The following PPP4R4 variants were observed in gnomAD, a reference collection of about 807,000 sequenced individuals.
PPP4R4 encodes protein phosphatase 4 regulatory subunit 4, also known as serine/threonine-protein phosphatase 4 regulatory subunit 4.
Under a neutral mutation model 121.8 loss-of-function variants are expected in PPP4R4, and 70 were observed. The observed-to-expected ratio is 0.57, with a 90% CI of 0.47 to 0.70. The LOEUF is 0.70. Ranked by LOEUF, PPP4R4 falls within the 30% of genes least tolerant of loss-of-function variation. PPP4R4 has a pLI of 0.00. For synonymous variants in PPP4R4, 348 were observed against 355.7 expected, an observed-to-expected ratio of 0.98 and a Z score of 0.24; for missense variants, 875 against 1,033.6, an observed-to-expected ratio of 0.85 and a Z score of 2.10.
Position 94,184,058 on chromosome 14 carries a change from C to T in PPP4R4, c.191+7931C>T, listed in dbSNP as rs117037467. Among the ~76,000 whole-genome samples the T allele has an allele frequency of 4.1e-4, 63 of 152,204 alleles. No individual in the cohort carries two copies. In the East Asian group the frequency reaches 5.2e-3, roughly 13 times the overall value. On this transcript the variant is annotated intron_variant, in intron 2 of 24. Coordinates refer to ENST00000304338, the MANE Select transcript of PPP4R4 (RefSeq NM_058237.2). ...TTCATGAGCAATTAATTCATCCCAA[C>T]GCTCCCTCTTGAGAAGTAGCTAAGT...
intron 2 of PPP4R4, among the ~76,000 whole-genome samples, chr14:94,204,267 AG>A (rs1440692449): frequency 6.6e-6 from 1 of 151,398 alleles, no homozygotes; most frequent in Non-Finnish European, 1.5e-5. Context: ...AGGTCATGTC[AG>A]TTTTTTTTTG....
At chr14:94,227,285 G>C in intron 3 of PPP4R4, 1 of 1,606,326 alleles carries the variant, frequency 6.2e-7, no homozygotes, top group Non-Finnish European at 8.5e-7. Flanking sequence ...TGTCTTCCAA[G>C]GTCCATGAGG....
intron 2 of PPP4R4, among the ~76,000 whole-genome samples, chr14:94,187,673 A>G (rs1889363916): frequency 6.6e-6 from 1 of 151,166 alleles, no homozygotes; most frequent in Non-Finnish European, 1.5e-5. Flanking sequence ...AGGAAACTGC[A>G]TTGTATTTAG....
rs201616705 is a variant in PPP4R4 at position 94,174,502 on chromosome 14, A to G, written c.37A>G (p.Ser13Gly). ...PPPPAAAMDF[S>G]QNSLFGYMED... ...GCCGCCCGCCGCCGCGATGGATTTC[A>G]GTCAGAACAGCCTGTTCGGTTACAT... Residue 13 changes from serine to glycine, a missense_variant, in exon 1 of 25, where the codon AGT becomes GGT. Transcript: ENST00000304338. 28 of 1,610,882 alleles carry G rather than the reference A, an allele frequency of 1.7e-5. No homozygotes were observed. The highest frequency in any genetic ancestry group is 1.5e-4 in the Admixed American group (9 of 59,896).
intron 3 of PPP4R4, among the ~76,000 whole-genome samples, chr14:94,222,914 A>C (rs901394577): frequency 6.6e-6 from 1 of 151,592 alleles, no homozygotes; most frequent in Non-Finnish European, 1.5e-5. Context: ...CATGTCCTTT[A>C]TCTTCTTTTC....
At chr14:94,182,295 G>A (rs1889037114) in intron 2 of PPP4R4, among the ~76,000 whole-genome samples, 1 of 152,152 alleles carries the variant, frequency 6.6e-6, no homozygotes, top group African/African-American at 2.4e-5. Context: ...TTGAATGTAT[G>A]CAGAAATGTG....
chr14:94,255,770 A>G (rs2139612815), intron 16 of PPP4R4, among the ~76,000 whole-genome samples: 1 of 152,312 alleles, frequency 6.6e-6, no homozygotes, highest in South Asian at 2.1e-4. Context: ...AACACAGTAG[A>G]CAGATGATGC....
At chr14:94,218,171 C>T (rs192451284) in intron 3 of PPP4R4, among the ~76,000 whole-genome samples, 70 of 152,190 alleles carry the variant, frequency 4.6e-4, no homozygotes, top group Middle Eastern at 3.4e-3. Context: ...CATCCAATGG[C>T]TTTGAGACAG....
At chr14:94,223,828 A>G (rs8011557) in intron 3 of PPP4R4, among the ~76,000 whole-genome samples, 84,143 of 151,272 alleles carry the variant, frequency 0.56, 25,971 homozygotes, top group East Asian at 0.82. Flanking sequence ...TAACCCCAAC[A>G]TTTCTATTTA....
rs1319214231 is a variant in PPP4R4, at chr14:94,234,544, T to C, written c.624-18T>C. The C allele has an allele frequency of 6.8e-7, 1 of 1,472,402 alleles. No homozygotes were observed. The highest frequency in any genetic ancestry group is 9.5e-7 in the Non-Finnish European group (1 of 1,056,668). The allele number at this position is 1,472,402 out of a possible 1,614,324, so 91.2% of individuals were successfully genotyped here. A position where few individuals can be genotyped will look rare whatever the true frequency, so the allele number is the denominator to read the frequency against. On this transcript the variant is annotated intron_variant, in intron 6 of 24. Transcript: ENST00000304338. ...AAACACTCATTCATTTGCATGTTTC[T>C]TTTCTCCCCACCTTCAGCATTAAGC...
chr14:94,222,371 T>A (rs1312627751), intron 3 of PPP4R4, among the ~76,000 whole-genome samples: 2 of 151,912 alleles, frequency 1.3e-5, no homozygotes, highest in African/African-American at 4.8e-5. Context: ...ATTATCAAAG[T>A]CGAATTTCAT....
chr14:94,247,669 T>TA (rs1284910810), intron 14 of PPP4R4, among the ~76,000 whole-genome samples: 12 of 152,174 alleles, frequency 7.9e-5, no homozygotes, highest in Admixed American at 7.9e-4. Flanking sequence ...CTCAAGAAAA[T>TA]ACTAGCAAAC....
chr14:94,206,946 A>G (rs1212418849), intron 2 of PPP4R4, among the ~76,000 whole-genome samples: 2 of 152,024 alleles, frequency 1.3e-5, no homozygotes, highest in East Asian at 3.9e-4. Context: ...GCCTATTCCA[A>G]CTTTTGGTGG....
intron 2 of PPP4R4, among the ~76,000 whole-genome samples, chr14:94,204,893 T>C (rs1890378906): frequency 6.6e-6 from 1 of 152,216 alleles, no homozygotes; most frequent in East Asian, 1.9e-4. Context: ...GATCATGTGA[T>C]ATTTTTCTTC....
Position 94,174,591 on chromosome 14 carries a change from C to T in PPP4R4, c.117+9C>T. ...TCCGCCGGAGCCTCAAGGTGCGCCC[C>T]GGGGAGAGGACCTGCCCTCACGGCG... On this transcript the variant is annotated intron_variant, in intron 1 of 24. Coordinates refer to ENST00000304338, the MANE Select transcript of PPP4R4 (RefSeq NM_058237.2). 6.2e-7 allele frequency: 1 copy of T among 1,610,446 alleles called. No individual in the cohort carries two copies. Among genetic ancestry groups the T allele is most frequent in the African/African-American group, 1.3e-5 (1 of 74,896 alleles).
At chr14:94,174,675 C>T in intron 1 of PPP4R4, 93 bp downstream of exon 1, 1 of 1,506,890 alleles carries the variant, frequency 6.6e-7, no homozygotes, top group African/African-American at 1.4e-5. Flanking sequence ...ACCACCCTCC[C>T]CTCCTCCGGG....
intron 23 of PPP4R4, among the ~76,000 whole-genome samples, chr14:94,274,101 TCTGACTTTCCGTTC>T: frequency 6.6e-6 from 1 of 152,238 alleles, no homozygotes; most frequent in Admixed American, 6.5e-5. Flanking sequence ...ACAGGCAGTA[TCTGACTTTCCGTTC>T]CTGTGAATCT....
At chr14:94,177,197 C>A (rs1888725191) in intron 2 of PPP4R4, among the ~76,000 whole-genome samples, 1 of 152,130 alleles carries the variant, frequency 6.6e-6, no homozygotes, top group Non-Finnish European at 1.5e-5. Flanking sequence ...CCATGTAGAC[C>A]ATTCCCTCTG....
At chr14:94,197,669 C>A (rs2139420863) in intron 2 of PPP4R4, among the ~76,000 whole-genome samples, 1 of 152,262 alleles carries the variant, frequency 6.6e-6, no homozygotes, top group Non-Finnish European at 1.5e-5. Flanking sequence ...AGATAATAAG[C>A]ATATCCACCT....
Sources: allele counts gnomAD v4.1 joint callset (sites outside exome capture counted in the v4.1 genomes callset), GRCh38; gene constraint gnomAD v4.1.1; transcripts MANE v1.5; gene names NCBI Gene and HGNC (gene_info 2026-07-23, HGNC 2026-07-21).